Variants in SPIN1 observed in about 807,000 individuals in gnomAD.
The protein encoded by SPIN1 is spindlin-1.
SPIN1 carries 3 observed loss-of-function variants against 26.0 expected under a neutral mutation model. That is an observed-to-expected ratio of 0.12 (90% confidence interval 0.05 to 0.30). The LOEUF is 0.30. SPIN1 is among the 10% of genes least tolerant of loss of function. The pLI, the probability that SPIN1 is intolerant of heterozygous loss-of-function variation, is 1.00. For synonymous variants in SPIN1, 101 were observed against 116.5 expected, an observed-to-expected ratio of 0.87 and a Z score of 0.86; for missense variants, 126 against 333.4, an observed-to-expected ratio of 0.38 and a Z score of 4.84.
intron 5 of SPIN1, among the ~76,000 whole-genome samples, chr9:88,471,091 G>C (rs781562926): frequency 4.1e-4 from 62 of 152,156 alleles, no homozygotes; most frequent in Non-Finnish European, 8.5e-4. Context: ...TTGCACAAAA[G>C]TTTTAAACTC....
intron 2 of SPIN1, among the ~76,000 whole-genome samples, chr9:88,446,562 A>G (rs918989082): frequency 4.6e-5 from 7 of 151,918 alleles, no homozygotes; most frequent in African/African-American, 1.4e-4. Context: ...GTGCGCCACC[A>G]CACCTGGCTA....
intron 3 of SPIN1, among the ~76,000 whole-genome samples, chr9:88,449,799 A>G (rs942618924): frequency 1.8e-4 from 27 of 152,192 alleles, no homozygotes; most frequent in African/African-American, 6.0e-4. Flanking sequence ...AATATGGAGA[A>G]GACACTCCTT....
Position 88,467,743 on chromosome 9 carries a change from T to C in SPIN1, c.356-629T>C, listed in dbSNP as rs140781322. On this transcript the variant is annotated intron_variant, in intron 4 of 5. Transcript: ENST00000375859. ...GGTATCAGTGACACAACGATTACTT[T>C]GGTTGCAGTGAAGAATAAGATTGTA... 2.3e-4 allele frequency among the ~76,000 whole-genome samples: 35 copies of C among 152,120 alleles called. 1 individual carries two copies. The East Asian group carries it at 6.2e-3, about 27-fold the overall frequency.
At chr9:88,473,890 AATT>A (rs760326962) in intron 5 of SPIN1, among the ~76,000 whole-genome samples, 1 of 152,186 alleles carries the variant, frequency 6.6e-6, no homozygotes, top group Non-Finnish European at 1.5e-5. Flanking sequence ...AAGGGAAGAG[AATT>A]TTTAAAGAAA....
chr9:88,391,571 T>C (rs1017507615), intron 1 of SPIN1: 1 of 152,218 alleles, frequency 6.6e-6, no homozygotes, highest in Admixed American at 6.5e-5. Flanking sequence ...TCTGCATAGG[T>C]AGCAGCGTTC....
At position 88,471,948 on chromosome 9, in the gene SPIN1, G is replaced by A. The variant is rs11789835; in HGVS notation, c.590-3130G>A. On this transcript the variant is annotated intron_variant, in intron 5 of 5. Transcript: ENST00000375859. The stretch of plus-strand genomic sequence containing the variant: ...CAAGGAACTGGGATTACAGGCATAC[G>A]CCACCACATTGGGCTAACTTTCGTA... Among the ~76,000 whole-genome samples the A allele has an allele frequency of 1.9e-3, 285 of 151,964 alleles. 3 individuals are homozygous for A. In the Middle Eastern group the frequency reaches 0.031, roughly 16 times the overall value.
chr9:88,425,661 G>A lies in SPIN1; in HGVS notation c.-158-721G>A, dbSNP rs1202260097. Among the ~76,000 whole-genome samples, 5 of 148,734 alleles carry A rather than the reference G, an allele frequency of 3.4e-5. No homozygotes were observed. The East Asian group carries it at 5.9e-4, about 17-fold the overall frequency. ...CTGCATTCCAGTCTGGCGACACAGC[G>A]AGACTCTGTCTCAAAAAAAAAAAAA... On this transcript the variant is annotated intron_variant, in intron 1 of 5. Transcript: ENST00000375859.
chr9:88,464,676 T>A (rs1828626851), intron 4 of SPIN1, among the ~76,000 whole-genome samples: 1 of 152,242 alleles, frequency 6.6e-6, no homozygotes, highest in Non-Finnish European at 1.5e-5. Context: ...ATATTTTCTT[T>A]ATGAGCAGTG....
rs189313853 is a variant in SPIN1 at position 88,472,580 on chromosome 9, A to G, written c.590-2498A>G. On this transcript the variant is annotated intron_variant, in intron 5 of 5. Transcript: ENST00000375859. ...CGATCTTGGCTCACTACAACCTCCA[A>G]CTCCCAGGTTCAGGCAATTCGTCTA... Among the ~76,000 whole-genome samples the G allele has an allele frequency of 2.5e-3, 342 of 135,198 alleles. 1 individual carries two copies. Among genetic ancestry groups the G allele is most frequent in the African/African-American group, 9.3e-3 (329 of 35,458 alleles). 88.7% of individuals were successfully genotyped at this position (135,198 alleles called of 152,430 possible).
At chr9:88,437,941 C>T (rs1014255402) in intron 2 of SPIN1, among the ~76,000 whole-genome samples, 9 of 151,990 alleles carry the variant, frequency 5.9e-5, no homozygotes, top group African/African-American at 1.9e-4. Flanking sequence ...GGGCAGAGGC[C>T]AGGAGTTCAA....
intron 1 of SPIN1, among the ~76,000 whole-genome samples, chr9:88,402,676 A>G (rs187326978): frequency 1.2e-3 from 178 of 152,262 alleles, no homozygotes; most frequent in African/African-American, 4.2e-3. Flanking sequence ...TCCATTGTGT[A>G]TACATGCCAC....
intron 1 of SPIN1, among the ~76,000 whole-genome samples, chr9:88,389,830 T>C (rs543018600): frequency 6.6e-6 from 1 of 152,202 alleles, no homozygotes; most frequent in Non-Finnish European, 1.5e-5. Flanking sequence ...AACTTGGAGA[T>C]TTATACCTGG....
intron 2 of SPIN1, among the ~76,000 whole-genome samples, chr9:88,431,044 G>C (rs951054870): frequency 1.3e-5 from 2 of 151,844 alleles, no homozygotes; most frequent in Non-Finnish European, 2.9e-5. Flanking sequence ...CACCACACTC[G>C]GCTAACTTTT....
At chr9:88,413,071 T>G (rs998017432) in intron 1 of SPIN1, among the ~76,000 whole-genome samples, 7 of 146,842 alleles carry the variant, frequency 4.8e-5, no homozygotes, top group South Asian at 2.1e-4. Flanking sequence ...TTAAGTTTTT[T>G]TTTTTTTTTT....
chr9:88,467,218 T>C (rs946101404), intron 4 of SPIN1, among the ~76,000 whole-genome samples: 2 of 152,180 alleles, frequency 1.3e-5, no homozygotes, highest in African/African-American at 2.4e-5. Flanking sequence ...TATTAAGGGC[T>C]AGGACCGTTA....
chr9:88,469,986 C>T (rs547500946), intron 5 of SPIN1, among the ~76,000 whole-genome samples: 3 of 152,228 alleles, frequency 2.0e-5, no homozygotes, highest in South Asian at 2.1e-4. Flanking sequence ...CTTTATTCTT[C>T]GAACCCCCTG....
intron 1 of SPIN1, chr9:88,410,834 C>T (rs1193567269): frequency 2.2e-6 from 2 of 918,604 alleles, no homozygotes; most frequent in Admixed American, 3.4e-5. Flanking sequence ...TTGTCATTCC[C>T]ACTGAAACCA....
chr9:88,436,633 T>C (rs1481152786), intron 2 of SPIN1, among the ~76,000 whole-genome samples: 2 of 152,164 alleles, frequency 1.3e-5, no homozygotes, highest in Non-Finnish European at 2.9e-5. Context: ...GATTTTTTAT[T>C]GTCTCCCTAG....
intron 1 of SPIN1, among the ~76,000 whole-genome samples, chr9:88,395,332 C>T (rs7857255): frequency 0.11 from 11,678 of 110,778 alleles, 1,429 homozygotes; most frequent in African/African-American, 0.41. Flanking sequence ...CAATAGGCAG[C>T]GTTCTATGCA....
Sources: allele counts gnomAD v4.1 joint callset (sites outside exome capture counted in the v4.1 genomes callset), GRCh38; gene constraint gnomAD v4.1.1; transcripts MANE v1.5; gene names NCBI Gene and HGNC (gene_info 2026-07-23, HGNC 2026-07-21).